Variants in MTA3 observed in about 807,000 individuals in gnomAD.
MTA3 encodes the protein metastasis associated 1 family member 3.
In MTA3, 34 loss-of-function variants were observed where a neutral mutation model predicts 83.5. That is an observed-to-expected ratio of 0.41 (90% CI 0.31 to 0.54). MTA3 has a LOEUF of 0.54. Ranked by LOEUF, MTA3 falls within the 20% of genes least tolerant of loss-of-function variation. MTA3 has a pLI of 0.33. For synonymous variants in MTA3, 303 were observed against 252.7 expected, an observed-to-expected ratio of 1.20 and a Z score of -1.89; for missense variants, 761 against 726.4, an observed-to-expected ratio of 1.05 and a Z score of -0.55.
intron 6 of MTA3, among the ~76,000 whole-genome samples, chr2:42,644,631 GAGTA>G (rs1008982557): frequency 6.6e-6 from 1 of 152,144 alleles, no homozygotes; most frequent in Admixed American, 6.5e-5. Context: ...CAACCCTGTT[GAGTA>G]AGTCATTTGG....
At chr2:42,658,074 A>C (rs1322723875) in intron 7 of MTA3, among the ~76,000 whole-genome samples, 1 of 49,048 alleles carries the variant, frequency 2.0e-5, no homozygotes, top group Non-Finnish European at 3.4e-5. Context: ...TCTGTCTCAA[A>C]AAAAAAAAAA....
chr2:42,730,673 A>G (rs144370471), intron 16 of MTA3, among the ~76,000 whole-genome samples: 1 of 152,042 alleles, frequency 6.6e-6, no homozygotes, highest in Non-Finnish European at 1.5e-5. Flanking sequence ...GCTTTTTCTG[A>G]TATGTCTTTT....
In MTA3 at chr2:42,660,389, A is replaced by T. The variant is rs1026583391; in HGVS notation, c.702+527A>T. 1.4e-4 allele frequency among the ~76,000 whole-genome samples: 21 copies of T among 152,250 alleles called. No individual in the cohort carries two copies. The East Asian group carries it at 3.5e-3, about 25-fold the overall frequency. On this transcript the variant is annotated intron_variant, in intron 8 of 16. Transcript: ENST00000405094. ...GGCATGAGCCACCACACCCGGCCAGAGGGGCTATTTTCTATATAATTTTAT... is the reference window on the plus strand; with the variant it reads ...GGCATGAGCCACCACACCCGGCCAGTGGGGCTATTTTCTATATAATTTTAT...
chr2:42,547,940 C>A (rs1228179130), intron 2 of MTA3, among the ~76,000 whole-genome samples: 1 of 152,140 alleles, frequency 6.6e-6, no homozygotes, highest in Non-Finnish European at 1.5e-5. Flanking sequence ...GGTTGCAGTT[C>A]GTCCACGAGG....
chr2:42,749,050 G>A (rs921552281), intron 16 of MTA3, among the ~76,000 whole-genome samples: 2 of 152,180 alleles, frequency 1.3e-5, no homozygotes, highest in African/African-American at 2.4e-5. Context: ...GTCACTGCTC[G>A]GCTCCTTGAG....
In MTA3 at chr2:42,695,805, A is replaced by G. The variant is rs1693341735; in HGVS notation, c.932A>G (p.Tyr311Cys). 1 of 1,586,534 alleles carries G rather than the reference A, an allele frequency of 6.3e-7. No homozygotes were observed. The highest frequency in any genetic ancestry group is 1.8e-5 in the Admixed American group (1 of 55,866). Residue 311 changes from tyrosine to cysteine, a missense_variant, in exon 10 of 17, where the codon TAC becomes TGC. By Grantham distance (194) the Tyr-to-Cys change is radical. Transcript: ENST00000405094. ...TTGACTAGCATCATTGAATATTATT[A>G]CATGTGGAAAACTACTGACAGATAT... ...KSLTSIIEYY[Y>C]MWKTTDRYVQ... is the part of the protein sequence containing the mutation.
chr2:42,587,205 AAAATAAAAAAT>A (rs1680442078), intron 3 of MTA3, among the ~76,000 whole-genome samples: 1 of 152,022 alleles, frequency 6.6e-6, no homozygotes, highest in Admixed American at 6.6e-5. Context: ...AAAAAAAAGT[AAAATAAAAAAT>A]AAAACGTTAG....
chr2:42,660,657 A>T (rs1338325007), intron 8 of MTA3, among the ~76,000 whole-genome samples: 1 of 152,192 alleles, frequency 6.6e-6, no homozygotes, highest in Non-Finnish European at 1.5e-5. Context: ...CTCATTTTAC[A>T]CACGAGAAAA....
upstream of MTA3, among the ~76,000 whole-genome samples, chr2:42,566,305 C>A (rs1344234162): frequency 3.9e-5 from 6 of 152,084 alleles, no homozygotes; most frequent in African/African-American, 1.4e-4. Flanking sequence ...TATGTGTGAA[C>A]CTCTCTGGAA....
intron 15 of MTA3, 111 bp downstream of exon 15, chr2:42,719,185 G>A (rs968878339): frequency 1.6e-5 from 12 of 733,272 alleles, no homozygotes; most frequent in Non-Finnish European, 2.3e-5. Flanking sequence ...TCAAATAGCC[G>A]AAATTGGATA....
chr2:42,673,463 T>C (rs1468812568), intron 8 of MTA3, among the ~76,000 whole-genome samples: 1 of 152,088 alleles, frequency 6.6e-6, no homozygotes, highest in South Asian at 2.1e-4. Flanking sequence ...CTATGATGAG[T>C]TTTTTGGGAC....
chr2:42,593,556 G>A (rs1681301061), intron 3 of MTA3, among the ~76,000 whole-genome samples: 1 of 152,086 alleles, frequency 6.6e-6, no homozygotes, highest in African/African-American at 2.4e-5. Flanking sequence ...CTGGGCAGTT[G>A]GAGTTTTTCA....
At chr2:42,718,666 G>A (rs1027155557) in intron 14 of MTA3, among the ~76,000 whole-genome samples, 1 of 151,988 alleles carries the variant, frequency 6.6e-6, no homozygotes, top group African/African-American at 2.4e-5. Flanking sequence ...AGGAGGCTGA[G>A]GCAGGAGAAT....
Position 42,570,459 on chromosome 2 carries a change from C to G in MTA3, c.51C>G (p.Ser17=), listed in dbSNP as rs369055097. 5 of 1,546,076 alleles carry G rather than the reference C, an allele frequency of 3.2e-6. No individual in the cohort carries two copies. In the Admixed American group the frequency reaches 7.7e-5, roughly 24 times the overall value. The part of the protein sequence containing the change: ...RVGDYVYFEN[S]SSNPYLIRRI... ...CAGATTATGTCTACTTTGAGAATTC[C>G]TCCAGCAACCCATACCTAATAAGAA... Residue 17 remains serine (S), a synonymous_variant, in exon 2 of 17, where the codon TCC becomes TCG. Transcript: ENST00000405094.
chr2:42,508,811 AT>A (rs1039521121), intron 2 of MTA3, among the ~76,000 whole-genome samples: 62 of 146,838 alleles, frequency 4.2e-4, no homozygotes, highest in African/African-American at 1.5e-3. Flanking sequence ...ATTGTAAATT[AT>A]ATATGATATA....
intron 14 of MTA3, among the ~76,000 whole-genome samples, chr2:42,713,613 C>T (rs538767118): frequency 1.2e-5 from 1 of 84,200 alleles, no homozygotes; most frequent in African/African-American, 6.9e-5. Flanking sequence ...TCATCGTTGC[C>T]TTAAGTATCC....
chr2:42,753,380 C>A lies in MTA3; in HGVS notation c.1766C>A (p.Thr589Lys), dbSNP rs1004797951. Residue 589 changes from threonine (T) to lysine (K), a missense_variant, in exon 17 of 17, where the codon ACG becomes AAG. Transcript: ENST00000405094. ...TGTTACTTCCCTTTTCTAGAACTCA[C>A]GTGCTGTGTGTCAGACTGAGCTTTC... Reference protein sequence around the residue: ...YSHHNGLDELTCCVSD With the variant: ...YSHHNGLDELKCCVSD The A allele has an allele frequency of 1.3e-6, 2 of 1,550,556 alleles. No individual in the cohort carries two copies. Among genetic ancestry groups the A allele is most frequent in the Non-Finnish European group, 1.7e-6 (2 of 1,146,956 alleles).
chr2:42,722,369 T>TA (rs1667473225), intron 15 of MTA3, among the ~76,000 whole-genome samples: 1 of 152,200 alleles, frequency 6.6e-6, no homozygotes, highest in South Asian at 2.1e-4. Context: ...GTTTCAGGTT[T>TA]CATCTATATC....
intron 11 of MTA3, among the ~76,000 whole-genome samples, 156 bp downstream of exon 11, chr2:42,697,990 G>C (rs1280489971): frequency 6.6e-6 from 1 of 152,160 alleles, no homozygotes; most frequent in Non-Finnish European, 1.5e-5. Flanking sequence ...ACAATAAAAA[G>C]GAGCCAGTGA....
Sources: allele counts gnomAD v4.1 joint callset (sites outside exome capture counted in the v4.1 genomes callset), GRCh38; gene constraint gnomAD v4.1.1; transcripts MANE v1.5; gene names NCBI Gene and HGNC (gene_info 2026-07-23, HGNC 2026-07-21).